Variants in UNC5C observed in about 807,000 individuals in gnomAD.
UNC5C encodes the protein netrin receptor UNC5C.
UNC5C carries 47 observed loss-of-function variants against 99.8 expected under a neutral mutation model. The observed-to-expected ratio is 0.47, with a 90% CI of 0.37 to 0.60. The LOEUF is 0.60. UNC5C is among the 20% of genes least tolerant of loss of function. The pLI is 0.00. For synonymous variants in UNC5C, 487 were observed against 452.2 expected (o/e 1.08, Z -0.98); for missense variants, 1,062 against 1,165.9 (o/e 0.91, Z 1.30).
intron 3 of UNC5C, among the ~76,000 whole-genome samples, chr4:95,292,261 AT>A (rs1560773099): frequency 0.019 from 1,714 of 88,516 alleles, 23 homozygotes; most frequent in Middle Eastern, 0.048. Context: ...ATATATATAT[AT>A]ATATAAATTT....
chr4:95,526,891 TAAGTCC>T (rs1386597951), intron 1 of UNC5C, among the ~76,000 whole-genome samples: 1 of 152,058 alleles, frequency 6.6e-6, no homozygotes, highest in Non-Finnish European at 1.5e-5. Flanking sequence ...TTATTTCTAC[TAAGTCC>T]TTAATAAATA....
intron 1 of UNC5C, among the ~76,000 whole-genome samples, chr4:95,435,390 A>G (rs1170936971): frequency 6.6e-6 from 1 of 152,094 alleles, no homozygotes; most frequent in South Asian, 2.1e-4. Flanking sequence ...TCAATTAGAA[A>G]GTTAGAGTGC....
intron 1 of UNC5C, among the ~76,000 whole-genome samples, chr4:95,475,357 T>C (rs1325613703): frequency 6.6e-6 from 1 of 151,926 alleles, no homozygotes; most frequent in Non-Finnish European, 1.5e-5. Flanking sequence ...GAAATTGAAG[T>C]TGCTTCAATT....
At chr4:95,268,269 A>G (rs1399491890) in intron 4 of UNC5C, among the ~76,000 whole-genome samples, 1 of 152,190 alleles carries the variant, frequency 6.6e-6, no homozygotes, top group African/African-American at 2.4e-5. Flanking sequence ...CCTTTTACAT[A>G]AAGTTGACTT....
intron 1 of UNC5C, among the ~76,000 whole-genome samples, chr4:95,518,936 A>G (rs1176810600): frequency 6.6e-6 from 1 of 152,070 alleles, no homozygotes; most frequent in Non-Finnish European, 1.5e-5. Flanking sequence ...TTACTTCCCA[A>G]AGTGTCTTAT....
At chr4:95,210,943 G>A (rs548551371) in intron 10 of UNC5C, among the ~76,000 whole-genome samples, 27 of 152,344 alleles carry the variant, frequency 1.8e-4, no homozygotes, top group African/African-American at 5.8e-4. Context: ...TTTTCCAGAA[G>A]AGGAAACTGA....
At chr4:95,206,571 C>T in intron 11 of UNC5C, 57 bp downstream of exon 11, 1 of 1,604,292 alleles carries the variant, frequency 6.2e-7, no homozygotes, top group Non-Finnish European at 8.5e-7. Context: ...CATAATTGCT[C>T]CTGCTTATCT....
intron 7 of UNC5C, among the ~76,000 whole-genome samples, chr4:95,225,325 G>A (rs1738644347): frequency 6.6e-6 from 1 of 152,134 alleles, no homozygotes; most frequent in Admixed American, 6.5e-5. Context: ...CCAAAATGCT[G>A]GGATTACAGG....
At chr4:95,300,140 A>T (rs187019853) in intron 3 of UNC5C, among the ~76,000 whole-genome samples, 1 of 152,206 alleles carries the variant, frequency 6.6e-6, no homozygotes, top group African/African-American at 2.4e-5. Context: ...AAGAAAATAT[A>T]TGGATTTCAG....
intron 4 of UNC5C, among the ~76,000 whole-genome samples, chr4:95,271,476 G>T (rs1230974489): frequency 6.6e-6 from 1 of 151,978 alleles, no homozygotes; most frequent in Non-Finnish European, 1.5e-5. Flanking sequence ...TGATCCGCCC[G>T]CCTCGGCCTA....
At chr4:95,203,101 C>G in intron 11 of UNC5C, 137 bp from the exon 12 acceptor site, 1 of 686,874 alleles carries the variant, frequency 1.5e-6, no homozygotes, top group Non-Finnish European at 2.5e-6. Context: ...TATAATCTGT[C>G]TACTTGAGTT....
chr4:95,183,505 C>T (rs1736701388), intron 13 of UNC5C, among the ~76,000 whole-genome samples: 1 of 152,194 alleles, frequency 6.6e-6, no homozygotes, highest in South Asian at 2.1e-4. Flanking sequence ...AAGGATACTG[C>T]ACTGATGTGG....
intron 1 of UNC5C, among the ~76,000 whole-genome samples, chr4:95,430,380 A>C (rs911426106): frequency 6.6e-6 from 1 of 152,152 alleles, no homozygotes; most frequent in Non-Finnish European, 1.5e-5. Flanking sequence ...AATTTGTGGA[A>C]TAGGATGAGG....
intron 14 of UNC5C, among the ~76,000 whole-genome samples, chr4:95,181,638 T>C (rs1163357824): frequency 6.6e-6 from 1 of 151,928 alleles, no homozygotes; most frequent in Non-Finnish European, 1.5e-5. Flanking sequence ...GGCCTGGCGG[T>C]TGCCATGGCA....
In UNC5C at chr4:95,220,003, T is replaced by C. The variant is rs756484272; in HGVS notation, c.1282A>G (p.Ile428Val). ...ALNGGFQPVNIKAARQDLLAV... is the reference protein window; with the variant it reads ...ALNGGFQPVNVKAARQDLLAV... ...AACTGACCTTGTCTTGCTGCCTTGA[T>C]GTTCACAGGCTGAAAGCCCCCATTG... Residue 428 changes from isoleucine (I) to valine (V), a missense_variant, in exon 8 of 16, where the codon ATC (isoleucine) becomes GTC (valine). By Grantham distance (29) the Ile-to-Val change is conservative (BLOSUM62 3). Transcript: ENST00000453304. The C allele has an allele frequency of 1.9e-6, 3 of 1,613,784 alleles. No individual in the cohort carries two copies. The highest frequency in any genetic ancestry group is 2.5e-6 in the Non-Finnish European group (3 of 1,179,856).
At chr4:95,196,501 G>A (rs981436231) in intron 12 of UNC5C, among the ~76,000 whole-genome samples, 2 of 151,710 alleles carry the variant, frequency 1.3e-5, no homozygotes, top group Non-Finnish European at 2.9e-5. Flanking sequence ...TTTTGCTCTG[G>A]TAGTCACTGC....
rs146674658 is a variant in UNC5C at position 95,274,039 on chromosome 4, C to A, written c.594+4220G>T. Among the ~76,000 whole-genome samples, 949 of 152,250 alleles carry A rather than the reference C, an allele frequency of 6.2e-3. 6 individuals are homozygous for A. Among genetic ancestry groups the A allele is most frequent in the African/African-American group, 0.021 (858 of 41,522 alleles). On this transcript the variant is annotated intron_variant, in intron 4 of 15. Coordinates refer to ENST00000453304, the MANE Select transcript of UNC5C (RefSeq NM_003728.4). Reference sequence around the variant, plus strand: ...AGAGAATCTGCTAAGTGACTTATAACCTGCTGGCATTAGAGATAAAACATG... The same window carrying A: ...AGAGAATCTGCTAAGTGACTTATAAACTGCTGGCATTAGAGATAAAACATG...
chr4:95,243,977 G>A (rs762773725), intron 6 of UNC5C, among the ~76,000 whole-genome samples: 13 of 152,134 alleles, frequency 8.5e-5, no homozygotes, highest in Admixed American at 6.6e-4. Context: ...GCTCTCAAAG[G>A]GCTCACTGTG....
At chr4:95,233,859 C>T (rs1739001194) in intron 7 of UNC5C, among the ~76,000 whole-genome samples, 1 of 152,164 alleles carries the variant, frequency 6.6e-6, no homozygotes, top group Middle Eastern at 3.4e-3. Context: ...TGCTTAAACC[C>T]AGGAGGCAGA....
Sources: gnomAD v4.1 joint callset for allele counts (sites outside exome capture counted in the v4.1 genomes callset) on GRCh38, gnomAD v4.1.1 for gene constraint, MANE v1.5 for transcripts, NCBI Gene and HGNC (gene_info 2026-07-23, HGNC 2026-07-21) for gene names.